LHFPL3: variants seen among roughly 807,000 people sequenced by gnomAD.
LHFPL3 encodes LHFPL tetraspan subfamily member 3 protein.
A neutral mutation model predicts 19.3 loss-of-function variants in LHFPL3; 5 were observed. That is an observed-to-expected ratio of 0.26 (90% confidence interval 0.14 to 0.54). The LOEUF (loss-of-function observed/expected upper bound fraction) is 0.54. Ranked by LOEUF, LHFPL3 falls within the 20% of genes least tolerant of loss-of-function variation. The probability of loss-of-function intolerance (pLI) is 0.94; values close to 1 mark genes in which losing one functional copy is unlikely to be tolerated. For synonymous variants in LHFPL3, 133 were observed against 126.2 expected, an observed-to-expected ratio of 1.05 and a Z score of -0.36; for missense variants, 249 against 307.4, an observed-to-expected ratio of 0.81 and a Z score of 1.42.
intron 1 of LHFPL3, among the ~76,000 whole-genome samples, chr7:104,514,580 G>T (rs1793885743): frequency 6.6e-6 from 1 of 152,200 alleles, no homozygotes; most frequent in Non-Finnish European, 1.5e-5. Context: ...ATAAAAAGCA[G>T]TTGGCTGGGA....
chr7:104,440,564 A>G (rs1471587937), intron 1 of LHFPL3, among the ~76,000 whole-genome samples: 1 of 152,116 alleles, frequency 6.6e-6, no homozygotes, highest in Non-Finnish European at 1.5e-5. Context: ...AAAGTATAAT[A>G]AAACATATAT....
chr7:104,424,983 T>TAAAAAAAAAAAAAAAAAAAAAAAA (rs71153196), intron 1 of LHFPL3, among the ~76,000 whole-genome samples: 4 of 65,152 alleles, frequency 6.1e-5, no homozygotes, highest in African/African-American at 2.6e-4. Flanking sequence ...CTCCATCTCA[T>TAAAAAAAAAAAAAAAAAAAAAAAA]AAAAAAAAAA....
rs117041437 is a variant in LHFPL3 at position 104,401,014 on chromosome 7, A to G, written c.445+71790A>G. Among the ~76,000 whole-genome samples, 249 of 152,358 alleles carry G rather than the reference A, an allele frequency of 1.6e-3. 6 individuals are homozygous for G. In the East Asian group the frequency reaches 0.044, roughly 27 times the overall value. ...AGTCCTATAGAAGTAACAGAATAGT[A>G]TAATTTTCTTGTTTGTCAGCTATAA... is the stretch of plus-strand genomic sequence containing the variant. On this transcript the variant is annotated intron_variant, in intron 1 of 2. Transcript: ENST00000424859.
intron 1 of LHFPL3, among the ~76,000 whole-genome samples, chr7:104,403,144 T>A (rs1191704809): frequency 6.6e-6 from 1 of 152,152 alleles, no homozygotes; most frequent in African/African-American, 2.4e-5. Flanking sequence ...TGTATACCTA[T>A]GTAACAAACC....
intron 2 of LHFPL3, among the ~76,000 whole-genome samples, chr7:104,815,281 G>T (rs1251848173): frequency 6.6e-6 from 1 of 152,152 alleles, no homozygotes; most frequent in Non-Finnish European, 1.5e-5. Flanking sequence ...GATGGCAGGG[G>T]CAGCTCCAGA....
At chr7:104,382,355 G>T (rs1183386969) in intron 1 of LHFPL3, among the ~76,000 whole-genome samples, 1 of 152,206 alleles carries the variant, frequency 6.6e-6, no homozygotes. Flanking sequence ...AGGCGTGGTG[G>T]CGCATGCCTG....
intron 1 of LHFPL3, among the ~76,000 whole-genome samples, chr7:104,407,767 A>G (rs1791449136): frequency 6.6e-6 from 1 of 152,236 alleles, no homozygotes; most frequent in Non-Finnish European, 1.5e-5. Context: ...ATGGGTAGAG[A>G]TCAGCCAAGT....
intron 1 of LHFPL3, 95 bp downstream of exon 1, chr7:104,329,319 C>T (rs1801525442): frequency 1.4e-6 from 2 of 1,452,106 alleles, no homozygotes; most frequent in African/African-American, 1.4e-5. Context: ...GTGCGCGCCG[C>T]TGCGAGCCAA....
chr7:104,413,435 G>A (rs1791568895), intron 1 of LHFPL3, among the ~76,000 whole-genome samples: 1 of 152,138 alleles, frequency 6.6e-6, no homozygotes, highest in Non-Finnish European at 1.5e-5. Flanking sequence ...TATTTGTCAG[G>A]CACTCTTCAA....
intron 1 of LHFPL3, among the ~76,000 whole-genome samples, chr7:104,507,769 AC>A (rs1197543155): frequency 7.4e-6 from 1 of 134,422 alleles, no homozygotes; most frequent in African/African-American, 2.8e-5. Flanking sequence ...CAAGAAAAAA[AC>A]AAACAACCCC....
At chr7:104,573,825 AT>A in intron 1 of LHFPL3, among the ~76,000 whole-genome samples, 1 of 152,196 alleles carries the variant, frequency 6.6e-6, no homozygotes, top group African/African-American at 2.4e-5. Flanking sequence ...TGCACACTGT[AT>A]ATTGCATGGT....
At chr7:104,810,458 G>A (rs967305437) in intron 2 of LHFPL3, among the ~76,000 whole-genome samples, 2 of 152,152 alleles carry the variant, frequency 1.3e-5, no homozygotes, top group Non-Finnish European at 2.9e-5. Flanking sequence ...GGTTTCAGAG[G>A]TAGAACTCAC....
At chr7:104,569,547 A>G (rs995269962) in intron 1 of LHFPL3, among the ~76,000 whole-genome samples, 3 of 152,234 alleles carry the variant, frequency 2.0e-5, no homozygotes, top group Non-Finnish European at 4.4e-5. Context: ...GGACACATAT[A>G]GATAGTAAAA....
At chr7:104,696,097 C>A (rs1367576658) in intron 1 of LHFPL3, among the ~76,000 whole-genome samples, 1 of 152,104 alleles carries the variant, frequency 6.6e-6, no homozygotes, top group African/African-American at 2.4e-5. Context: ...ACTACAGGCA[C>A]CCACCACCAC....
At chr7:104,342,638 G>C (rs992366884) in intron 1 of LHFPL3, among the ~76,000 whole-genome samples, 4 of 152,180 alleles carry the variant, frequency 2.6e-5, no homozygotes, top group African/African-American at 7.2e-5. Context: ...AGTGCAGAAA[G>C]TTCTTTAAAG....
chr7:104,741,822 G>C (rs1050690780), intron 2 of LHFPL3, among the ~76,000 whole-genome samples: 2 of 152,164 alleles, frequency 1.3e-5, no homozygotes, highest in East Asian at 3.9e-4. Flanking sequence ...AGGATTACAA[G>C]TGTGAGCTGC....
At chr7:104,451,070 C>T (rs1304490040) in intron 1 of LHFPL3, among the ~76,000 whole-genome samples, 1 of 152,166 alleles carries the variant, frequency 6.6e-6, no homozygotes, top group Non-Finnish European at 1.5e-5. Context: ...GAGCAAGGAA[C>T]CCATGACCTC....
intron 1 of LHFPL3, among the ~76,000 whole-genome samples, chr7:104,575,932 G>A (rs1262885874): frequency 6.6e-6 from 1 of 152,138 alleles, no homozygotes; most frequent in East Asian, 1.9e-4. Flanking sequence ...TTTTTGGAAA[G>A]GGTGGCTAAG....
chr7:104,395,052 G>T (rs1043280831), intron 1 of LHFPL3, among the ~76,000 whole-genome samples: 6 of 151,784 alleles, frequency 4.0e-5, no homozygotes, highest in African/African-American at 9.7e-5. Flanking sequence ...ACTTGTTCTT[G>T]CCCAATGAGC....
Sources: gnomAD v4.1 joint callset for allele counts (sites outside exome capture counted in the v4.1 genomes callset) on GRCh38, gnomAD v4.1.1 for gene constraint, MANE v1.5 for transcripts, NCBI Gene and HGNC (gene_info 2026-07-23, HGNC 2026-07-21) for gene names.